The following LDLRAP1 variants were observed in gnomAD, a reference collection of about 807,000 sequenced individuals.
LDLRAP1 encodes low density lipoprotein receptor adapter protein 1.
In LDLRAP1, 30 loss-of-function variants were observed where a neutral mutation model predicts 37.8. The ratio of observed to expected loss-of-function variants is 0.79; its 90% CI spans 0.59 to 1.08. The LOEUF (loss-of-function observed/expected upper bound fraction) is 1.08. Among genes scored for constraint, LDLRAP1 ranks in the 50% least tolerant of loss-of-function variants. LDLRAP1 has a pLI of 0.00. For missense variants in LDLRAP1, 375 were observed against 401.6 expected, an observed-to-expected ratio of 0.93 and a Z score of 0.57; for synonymous variants, 156 against 169.8, an observed-to-expected ratio of 0.92 and a Z score of 0.63.
the LDLRAP1 span, among the ~76,000 whole-genome samples, chr1:25,588,274 G>T: frequency 6.6e-6 from 1 of 152,192 alleles, no homozygotes; most frequent in Non-Finnish European, 1.5e-5. Flanking sequence ...CCTGTAAAGG[G>T]TCTGTGCTGA....
In LDLRAP1 at chr1:25,563,168, G is replaced by A; in HGVS notation, c.616+15G>A. The A allele has an allele frequency of 1.2e-6, 2 of 1,612,398 alleles. 1 individual carries two copies. Among genetic ancestry groups the A allele is most frequent in the South Asian group, 2.2e-5 (2 of 91,028 alleles). On this transcript the variant is annotated intron_variant, in intron 6 of 8. Coordinates refer to ENST00000374338, the MANE Select transcript of LDLRAP1 (RefSeq NM_015627.3). ...CTTGAAGAGCTGTGAGTCCTGACGG[G>A]GAAGGGGGATTGGCCATGCGGTGTT...
chr1:25,562,337 G>GAAC (rs1312249391), intron 4 of LDLRAP1, among the ~76,000 whole-genome samples: 1 of 152,236 alleles, frequency 6.6e-6, no homozygotes, highest in African/African-American at 2.4e-5. Flanking sequence ...ACCTGGAGAA[G>GAAC]AACAGCCTTT....
chr1:25,552,516 A>G lies in LDLRAP1; in HGVS notation c.89-1406A>G, dbSNP rs547880262. Among the ~76,000 whole-genome samples, 5 of 152,318 alleles carry G rather than the reference A, an allele frequency of 3.3e-5. No homozygotes were observed. In the South Asian group the frequency reaches 6.2e-4, roughly 19 times the overall value. ...AAGATTGTGTGTGAGGCTGAAGAGC[A>G]GTTTTCTTTCTCATCTGTAAAATGG... is the stretch of plus-strand genomic sequence containing the variant. On this transcript the variant is annotated intron_variant, in intron 1 of 8. Transcript: ENST00000374338.
At chr1:25,582,754 T>A in the LDLRAP1 span, among the ~76,000 whole-genome samples, 7 of 152,156 alleles carry the variant, frequency 4.6e-5, no homozygotes, top group East Asian at 1.4e-3. Context: ...TGTGATATAA[T>A]TCACATATCA....
At chr1:25,574,625 C>T in the LDLRAP1 span, among the ~76,000 whole-genome samples, 2 of 152,090 alleles carry the variant, frequency 1.3e-5, no homozygotes, top group African/African-American at 2.4e-5. Context: ...ATTGGTGTAT[C>T]CCCGTGTGAT....
At chr1:25,543,896 C>A (rs1215563453) in intron 1 of LDLRAP1, 110 bp downstream of exon 1, 2 of 621,784 alleles carry the variant, frequency 3.2e-6, no homozygotes, top group Non-Finnish European at 4.5e-6. Context: ...GCCTCACCGG[C>A]GCTCCGGTCC....
chr1:25,557,890 C>CT (rs35027742), intron 4 of LDLRAP1, among the ~76,000 whole-genome samples: 8 of 151,130 alleles, frequency 5.3e-5, no homozygotes, highest in Non-Finnish European at 8.8e-5. Flanking sequence ...TTTTTTTCTT[C>CT]TTTTTTTTAA....
chr1:25,569,263 A>G (rs2044567585), downstream of LDLRAP1, among the ~76,000 whole-genome samples: 1 of 152,080 alleles, frequency 6.6e-6, no homozygotes, highest in Non-Finnish European at 1.5e-5. Context: ...TATTTCCATC[A>G]CTTTTTGGAT....
chr1:25,549,338 C>T (rs1444607674), intron 1 of LDLRAP1, among the ~76,000 whole-genome samples: 2 of 152,202 alleles, frequency 1.3e-5, no homozygotes, highest in Non-Finnish European at 2.9e-5. Flanking sequence ...AGGCCAGAGC[C>T]CCGGTTGGAG....
At chr1:25,565,231 G>T in intron 8 of LDLRAP1, 24 bp downstream of exon 8, 2 of 1,613,890 alleles carry the variant, frequency 1.2e-6, no homozygotes, top group Non-Finnish European at 1.7e-6. Flanking sequence ...CCTGTGCTGG[G>T]TAGGGGGCCT....
At chr1:25,559,656 C>T (rs2044296144) in intron 4 of LDLRAP1, among the ~76,000 whole-genome samples, 1 of 152,372 alleles carries the variant, frequency 6.6e-6, no homozygotes, top group African/African-American at 2.4e-5. Flanking sequence ...CAAGACAGCG[C>T]AGCCCAGCAT....
In LDLRAP1 at chr1:25,567,580, A is replaced by G. The variant is rs370909846; in HGVS notation, c.*588A>G. ...CTTAGAGACTAAGGGGCAGCTCCTG[A>G]CCAAAGACGATACAGCTTGGCACTT... is the stretch of plus-strand genomic sequence containing the variant. On this transcript the variant is annotated 3_prime_UTR_variant, in exon 9 of 9. Coordinates refer to ENST00000374338, the MANE Select transcript of LDLRAP1 (RefSeq NM_015627.3). 23 of 192,276 alleles carry G rather than the reference A, an allele frequency of 1.2e-4. No individual in the cohort carries two copies. The highest frequency in any genetic ancestry group is 2.7e-4 in the Admixed American group (5 of 18,492). 11.9% of individuals were successfully genotyped at this position (192,276 alleles called of 1,614,324 possible).
At chr1:25,574,147 A>G in the LDLRAP1 span, among the ~76,000 whole-genome samples, 2 of 152,168 alleles carry the variant, frequency 1.3e-5, no homozygotes, top group Non-Finnish European at 2.9e-5. Context: ...AGCAAGCGCA[A>G]AGCCCCAGGA....
rs6687605 is a variant in LDLRAP1, at chr1:25,563,141, T to A, written c.604T>A (p.Ser202Thr). Residue 202 changes from serine to threonine, a missense_variant, in exon 6 of 9, where the codon TCC becomes ACC. Ser to Thr is a moderately conservative substitution (Grantham distance 58). Coordinates refer to ENST00000374338, the MANE Select transcript of LDLRAP1 (RefSeq NM_015627.3). Reference sequence around the variant, plus strand: ...GGGGGCCCGCCAAGACTGCACCCCCTCCTTGAAGAGCTGTGAGTCCTGACG... The same window carrying A: ...GGGGGCCCGCCAAGACTGCACCCCCACCTTGAAGAGCTGTGAGTCCTGACG... ...VLGARQDCTP[S>T]LKSLVATGNL... 14 of 1,612,210 alleles carry A rather than the reference T, an allele frequency of 8.7e-6. No homozygotes were observed. The highest frequency in any genetic ancestry group is 4.5e-5 in the East Asian group (2 of 44,844).
At chr1:25,573,816 C>T (rs1557718655), downstream of LDLRAP1, among the ~76,000 whole-genome samples, 1 of 152,214 alleles carries the variant, frequency 6.6e-6, no homozygotes, top group African/African-American at 2.4e-5. Flanking sequence ...CCTGCCTCTC[C>T]CTGAGCCAGG....
the LDLRAP1 span, among the ~76,000 whole-genome samples, chr1:25,582,305 G>A: frequency 6.6e-6 from 1 of 152,190 alleles, no homozygotes; most frequent in Non-Finnish European, 1.5e-5. Context: ...TGGTAGAATG[G>A]TCTGGGCGTG....
rs1385645737 is a variant in LDLRAP1 at position 25,554,061 on chromosome 1, T to C, written c.228T>C (p.Ala76=). The C allele has an allele frequency of 1.9e-6, 3 of 1,613,730 alleles. No individual in the cohort carries two copies. The highest frequency in any genetic ancestry group is 2.7e-5 in the African/African-American group (2 of 74,918). The change falls in exon 2 of 9, where the codon GCT becomes GCC. Residue 76 remains alanine, a synonymous_variant. Transcript: ENST00000374338. This position sits in a 1 kb window ranked among gnomAD's most constrained non-coding sequence, Gnocchi z 5.4. ...CCGCCGCCATCAAGAGGATCGTGGCTACAGTGAGCACCCCAGTCAGGAAGG... is the reference window on the plus strand; with the variant it reads ...CCGCCGCCATCAAGAGGATCGTGGCCACAGTGAGCACCCCAGTCAGGAAGG... The part of the protein sequence containing the change: ...LSAAAIKRIV[A]TAKASGKKLQ...
intron 3 of LDLRAP1, 98 bp from the exon 4 acceptor site, chr1:25,557,055 C>G: frequency 1.2e-6 from 1 of 869,254 alleles, no homozygotes; most frequent in Admixed American, 1.8e-5. Context: ...GTGGGAATAG[C>G]AGGTTCTCTG....
At chr1:25,547,601 C>T (rs1401651872) in intron 1 of LDLRAP1, among the ~76,000 whole-genome samples, 1 of 152,096 alleles carries the variant, frequency 6.6e-6, no homozygotes, top group South Asian at 2.1e-4. Flanking sequence ...AGAACGTGCT[C>T]TTCAGAGCCG....
Sources: allele counts gnomAD v4.1 joint callset (sites outside exome capture counted in the v4.1 genomes callset), GRCh38; gene constraint gnomAD v4.1.1; non-coding constraint Gnocchi (gnomAD v3.1); transcripts MANE v1.5; gene names NCBI Gene and HGNC (gene_info 2026-07-23, HGNC 2026-07-21).